The following YEATS2 variants were observed in gnomAD, a reference collection of about 807,000 sequenced individuals.
The protein encoded by YEATS2 is YEATS domain containing 2.
In YEATS2, 77 loss-of-function variants were observed where a neutral mutation model predicts 163.2. That is an observed-to-expected ratio of 0.47 (90% CI 0.39 to 0.57). The LOEUF (loss-of-function observed/expected upper bound fraction) is 0.57, where lower values mean the gene tolerates loss of function less well. Ranked by LOEUF, YEATS2 falls within the 20% of genes least tolerant of loss-of-function variation. The pLI is 0.00. For missense variants in YEATS2, 1,549 were observed against 1,729.8 expected, an observed-to-expected ratio of 0.90 and a Z score of 1.85; for synonymous variants, 631 against 645.1, an observed-to-expected ratio of 0.98 and a Z score of 0.33.
intron 19 of YEATS2, among the ~76,000 whole-genome samples, chr3:183,782,713 C>T (rs1723694164): frequency 6.6e-6 from 1 of 152,168 alleles, no homozygotes; most frequent in Non-Finnish European, 1.5e-5. Context: ...CGTGAGCCAC[C>T]GCACCCAGCC....
At chr3:183,708,849 G>A (rs1260447196) in intron 1 of YEATS2, among the ~76,000 whole-genome samples, 1 of 152,118 alleles carries the variant, frequency 6.6e-6, no homozygotes, top group Non-Finnish European at 1.5e-5. Context: ...GGATGGCAGA[G>A]TAAGACTCTG....
chr3:183,728,246 T>C (rs262970), intron 6 of YEATS2, among the ~76,000 whole-genome samples: 62,539 of 151,990 alleles, frequency 0.41, 13,500 homozygotes, highest in East Asian at 0.66. Context: ...TTTAAAATTT[T>C]AGGTGGGATG....
Position 183,789,525 on chromosome 3 carries a change from A to ATTTTTTTTTTT in YEATS2, c.2914-1254_2914-1244dup, listed in dbSNP as rs143473253. Among the ~76,000 whole-genome samples, 47 of 66,350 alleles carry ATTTTTTTTTTT rather than the reference A, an allele frequency of 7.1e-4. 5 individuals carry two copies. The highest frequency in any genetic ancestry group is 2.6e-3 in the East Asian group (4 of 1,512). 43.5% of individuals were successfully genotyped at this position (66,350 alleles called of 152,430 possible). Reference sequence around the variant, plus strand: ...TTAGGTTTCAGATTCATTCGAGTTAATTTTTTTTTTTTTTTTTTTTTTTTT... The same window carrying ATTTTTTTTTTT: ...TTAGGTTTCAGATTCATTCGAGTTAATTTTTTTTTTTTTTTTTTTTTTTTTTTTTTTTTTTT... On this transcript the variant is annotated intron_variant, in intron 20 of 30. Transcript: ENST00000305135.
intron 27 of YEATS2, among the ~76,000 whole-genome samples, chr3:183,804,710 G>C (rs928634777): frequency 6.6e-6 from 1 of 152,132 alleles, no homozygotes; most frequent in Non-Finnish European, 1.5e-5. Context: ...CCACTGGGCC[G>C]GGCGCCGTGG....
Position 183,721,938 on chromosome 3 carries a change from G to T in YEATS2, c.339G>T (p.Lys113Asn), listed in dbSNP as rs1027255050. 5.0e-6 allele frequency: 8 copies of T among 1,614,154 alleles called. No homozygotes were observed. Among genetic ancestry groups the T allele is most frequent in the East Asian group, 2.2e-5 (1 of 44,874 alleles). The change falls in exon 5 of 31, where the codon AAG becomes AAT. Residue 113 changes from lysine (K) to asparagine (N), a missense_variant. Coordinates refer to ENST00000305135, the MANE Select transcript of YEATS2 (RefSeq NM_018023.5). ...DTMVFNHPAI[K>N]KFLESPSRSS... The stretch of plus-strand genomic sequence containing the variant: ...TGGTTTTTAATCATCCTGCTATCAA[G>T]AAATTTTTGGAATCACCATCTAGGT...
At chr3:183,698,763 TA>T (rs1233114549) in intron 1 of YEATS2, among the ~76,000 whole-genome samples, 2 of 152,144 alleles carry the variant, frequency 1.3e-5, no homozygotes, top group African/African-American at 4.8e-5. Context: ...CGCTCACATG[TA>T]AAAAATGCGG....
chr3:183,713,110 A>G (rs1046242545), intron 1 of YEATS2, among the ~76,000 whole-genome samples: 4 of 152,228 alleles, frequency 2.6e-5, no homozygotes, highest in African/African-American at 9.6e-5. Context: ...GTAAGTGTAA[A>G]ATACACACCA....
intron 1 of YEATS2, among the ~76,000 whole-genome samples, chr3:183,703,600 A>C (rs1714329274): frequency 6.6e-6 from 1 of 152,200 alleles, no homozygotes; most frequent in South Asian, 2.1e-4. Flanking sequence ...GGGAGGTGAC[A>C]GTGTTAAGAG....
intron 13 of YEATS2, 52 bp from the exon 14 acceptor site, chr3:183,761,455 C>G (rs924308502): frequency 1.6e-5 from 24 of 1,463,084 alleles, no homozygotes; most frequent in Non-Finnish European, 2.1e-5. Context: ...GACTAGATAT[C>G]TGAAATCACC....
Position 183,713,560 on chromosome 3 carries a change from C to CTCAA in YEATS2, c.-19-1566_-19-1563dup, listed in dbSNP as rs536986493. On this transcript the variant is annotated intron_variant, in intron 1 of 30. Transcript: ENST00000305135. ...CCTGGGCAATAGAGTGAGACTCCGT[C>CTCAA]TCAATCAATCAATCAATCAATAAGA... 1.7e-3 allele frequency among the ~76,000 whole-genome samples: 255 copies of CTCAA among 152,288 alleles called. 1 individual carries two copies. Among genetic ancestry groups the CTCAA allele is most frequent in the African/African-American group, 5.8e-3 (239 of 41,564 alleles).
intron 1 of YEATS2, among the ~76,000 whole-genome samples, chr3:183,702,980 C>G (rs1307684405): frequency 6.6e-6 from 1 of 152,160 alleles, no homozygotes; most frequent in African/African-American, 2.4e-5. Flanking sequence ...AGACAGCGTA[C>G]TGGCCAGAAT....
rs1721347555 is a variant in YEATS2 at position 183,761,513 on chromosome 3, G to A, written c.1663G>A (p.Asp555Asn). The A allele has an allele frequency of 6.2e-7, 1 of 1,614,032 alleles. No individual in the cohort carries two copies. Among genetic ancestry groups the A allele is most frequent in the East Asian group, 2.2e-5 (1 of 44,874 alleles). ...SFVTSTVKQE[D>N]SLFASMPPLC... ...TGTATTTTTACACACACAGCAGGAGGATTCTTTGTTTGCATCTATGCCACC... is the reference window on the plus strand; with the variant it reads ...TGTATTTTTACACACACAGCAGGAGAATTCTTTGTTTGCATCTATGCCACC... Residue 555 changes from aspartate (D) to asparagine (N), a missense_variant, in exon 14 of 31, where the codon GAT becomes AAT. Asp to Asn is a conservative substitution (Grantham distance 23). Coordinates refer to ENST00000305135, the MANE Select transcript of YEATS2 (RefSeq NM_018023.5).
chr3:183,725,068 G>A (rs1428460507), intron 6 of YEATS2, among the ~76,000 whole-genome samples: 1 of 68,366 alleles, frequency 1.5e-5, no homozygotes, highest in African/African-American at 5.9e-5. Context: ...TTTTTTTATC[G>A]TTTTATTAGT....
intron 8 of YEATS2, among the ~76,000 whole-genome samples, chr3:183,741,781 A>C (rs1189806686): frequency 6.6e-6 from 1 of 152,126 alleles, no homozygotes; most frequent in Non-Finnish European, 1.5e-5. Context: ...ACTCCATCTC[A>C]AAAAGAAAAA....
At chr3:183,755,599 C>T (rs76154636) in intron 11 of YEATS2, among the ~76,000 whole-genome samples, 4,215 of 152,134 alleles carry the variant, frequency 0.028, 187 homozygotes, top group African/African-American at 0.095. Flanking sequence ...TGCGGGAACA[C>T]GAATCTTTCT....
chr3:183,776,986 A>G (rs1033480536), intron 18 of YEATS2, among the ~76,000 whole-genome samples: 11 of 152,024 alleles, frequency 7.2e-5, no homozygotes, highest in African/African-American at 2.2e-4. Context: ...ATTTGGGTTT[A>G]AACCCAGATC....
intron 19 of YEATS2, 89 bp from the exon 20 acceptor site, chr3:183,786,036 C>A: frequency 7.0e-7 from 1 of 1,437,432 alleles, no homozygotes; most frequent in Non-Finnish European, 9.5e-7. Flanking sequence ...TTCTCCAAGT[C>A]ATGGGGCGTA....
At position 183,800,647 on chromosome 3, in the gene YEATS2, T is replaced by C. The variant is rs558317648; in HGVS notation, c.3428+79T>C. On this transcript the variant is annotated intron_variant, in intron 24 of 30. Transcript: ENST00000305135. ...TGTGACAGCTGAGTATGTGCAGAGT[T>C]GTGTGTGTGTAGCTCTAAGCCCTTG... is the stretch of plus-strand genomic sequence containing the variant. 4.6e-4 allele frequency: 534 copies of C among 1,148,886 alleles called. 1 individual carries two copies. Among genetic ancestry groups the C allele is most frequent in the Non-Finnish European group, 6.6e-4 (515 of 784,082 alleles). 71.2% of individuals were successfully genotyped at this position (1,148,886 alleles called of 1,614,324 possible).
At chr3:183,724,627 G>C in intron 6 of YEATS2, 96 bp downstream of exon 6, 1 of 842,330 alleles carries the variant, frequency 1.2e-6, no homozygotes, top group East Asian at 3.0e-5. Context: ...CAGCCTCAGG[G>C]ATTCTTTTTC....
Sources: gnomAD v4.1 joint callset for allele counts (sites outside exome capture counted in the v4.1 genomes callset) on GRCh38, gnomAD v4.1.1 for gene constraint, MANE v1.5 for transcripts, NCBI Gene and HGNC (gene_info 2026-07-23, HGNC 2026-07-21) for gene names.